The following CES4A variants were observed in gnomAD, a reference collection of about 807,000 sequenced individuals.
The protein encoded by CES4A is carboxylesterase 6.
Under a neutral mutation model 65.4 loss-of-function variants are expected in CES4A, and 48 were observed. That is an observed-to-expected ratio of 0.73 (90% confidence interval 0.58 to 0.93). The LOEUF (loss-of-function observed/expected upper bound fraction) is 0.93, where lower values mean the gene tolerates loss of function less well. CES4A is among the 40% of genes least tolerant of loss of function. CES4A has a pLI of 0.00. For synonymous variants in CES4A, 247 were observed against 281.8 expected (o/e 0.88, Z 1.24); for missense variants, 685 against 728.5 (o/e 0.94, Z 0.69).
intron 1 of CES4A, among the ~76,000 whole-genome samples, chr16:66,995,288 C>T (rs547161484): frequency 3.3e-5 from 5 of 150,710 alleles, no homozygotes; most frequent in East Asian, 1.9e-4. Context: ...CCAGCCTGGG[C>T]GACAGAGCAA....
In CES4A at chr16:67,008,889, G is replaced by A. The variant is rs144788505; in HGVS notation, c.1518-85G>A. 5.2e-4 allele frequency: 732 copies of A among 1,414,014 alleles called. 4 individuals are homozygous for A. In the African/African-American group the frequency reaches 9.6e-3, roughly 19 times the overall value. 87.6% of individuals were successfully genotyped at this position (1,414,014 alleles called of 1,614,324 possible). On this transcript the variant is annotated intron_variant, in intron 13 of 13. Coordinates refer to ENST00000648724, the Ensembl canonical transcript of CES4A. ...AGCCCTCTGGAACCCCAAGTCCCAA[G>A]GGCAAATTAAACGAGGGAAGGGTGA...
chr16:67,003,945 T>G lies in CES4A; in HGVS notation c.940-139T>G. The G allele has an allele frequency of 2.2e-6, 2 of 898,950 alleles. No individual in the cohort carries two copies. Among genetic ancestry groups the G allele is most frequent in the South Asian group, 3.1e-5 (2 of 63,840 alleles). 55.7% of individuals were successfully genotyped at this position (898,950 alleles called of 1,614,324 possible). ...TGCTCCCCTCCCACACCCATCCTCC[T>G]GGGGCTCACCATGCCAGCCCCAGCC... On this transcript the variant is annotated intron_variant, in intron 8 of 13. Transcript: ENST00000648724. This position sits in a 1 kb window ranked among gnomAD's most constrained non-coding sequence, Gnocchi z 4.2.
At chr16:67,005,040 G>A in intron 10 of CES4A, 167 bp downstream of exon 10, 1 of 735,558 alleles carries the variant, frequency 1.4e-6, no homozygotes, top group South Asian at 1.7e-5. Context: ...CAGGTAAGGT[G>A]CTCAGGGTCA....
chr16:67,003,151 A>T lies in CES4A; in HGVS notation c.772A>T (p.Ser258Cys). The change falls in exon 6 of 14, where the codon AGT becomes TGT. Residue 258 changes from serine (S) to cysteine (C), a missense_variant. Ser to Cys is a moderately radical substitution (Grantham distance 112). Coordinates refer to ENST00000648724, the Ensembl canonical transcript of CES4A. The surrounding 1 kb of genome is among the most constrained non-coding windows in gnomAD (Gnocchi z 4.2). ...CGCGTTATTCAGACTTTTCATCACTAGTAACCCACTGAAAGTGGCCAAGGT... is the reference window on the plus strand; with the variant it reads ...CGCGTTATTCAGACTTTTCATCACTTGTAACCCACTGAAAGTGGCCAAGGT... 2 of 1,613,894 alleles carry T rather than the reference A, an allele frequency of 1.2e-6. No homozygotes were observed. The highest frequency in any genetic ancestry group is 2.2e-5 in the South Asian group (2 of 91,076).
intron 13 of CES4A, chr16:67,007,564 CCT>C (rs1295201259): frequency 1.3e-5 from 2 of 152,080 alleles, no homozygotes; most frequent in Non-Finnish European, 2.9e-5. Flanking sequence ...CTGCGCCTGG[CCT>C]CTCTCCTTTC....
chr16:66,995,916 A>G (rs944409678), intron 2 of CES4A, 87 bp downstream of exon 2: 2 of 1,290,356 alleles, frequency 1.5e-6, no homozygotes, highest in African/African-American at 1.5e-5. Context: ...ACTGAGAAGA[A>G]CTCACTGTGT....
chr16:67,000,398 T>G lies in CES4A; in HGVS notation c.261-240T>G. 1 of 867,642 alleles carries G rather than the reference T, an allele frequency of 1.2e-6. No individual in the cohort carries two copies. Among genetic ancestry groups the G allele is most frequent in the Non-Finnish European group, 1.4e-6 (1 of 722,790 alleles). The allele number at this position is 867,642 out of a possible 1,614,324, so 53.7% of individuals were successfully genotyped here. A position where few individuals can be genotyped will look rare whatever the true frequency, so the allele number is the denominator to read the frequency against. Reference sequence around the variant, plus strand: ...TTGACAGCACCAACAGGAGCAGGAATCTCTCCACGGACTGAGGCGCCGGGC... The same window carrying G: ...TTGACAGCACCAACAGGAGCAGGAAGCTCTCCACGGACTGAGGCGCCGGGC... On this transcript the variant is annotated intron_variant, in intron 2 of 13. Transcript: ENST00000648724. The surrounding 1 kb of genome is among the most constrained non-coding windows in gnomAD (Gnocchi z 4.2).
chr16:67,006,017 CAT>C, intron 11 of CES4A: 1 of 220,316 alleles, frequency 4.5e-6, no homozygotes, highest in East Asian at 1.1e-4. Flanking sequence ...GCTAGGGGAA[CAT>C]GTGGGTAACA....
rs779260483 is a variant in CES4A at position 67,005,336 on chromosome 16, A to G, written c.1258A>G (p.Ile420Val). ...GATGCTACGAAACCGTATGATGGAC[A>G]TAGTTCAAGATGCCACTTTCGTGTA... Residue 420 changes from isoleucine to valine, a missense_variant, in exon 11 of 14, where the codon ATA becomes GTA. Ile to Val is a conservative substitution (Grantham distance 29). Transcript: ENST00000648724. 4.3e-6 allele frequency: 7 copies of G among 1,614,156 alleles called. No individual in the cohort carries two copies. The highest frequency in any genetic ancestry group is 5.9e-6 in the Non-Finnish European group (7 of 1,180,002).
chr16:66,990,771 G>T (rs1964325627), intron 1 of CES4A, among the ~76,000 whole-genome samples: 1 of 151,676 alleles, frequency 6.6e-6, no homozygotes, highest in African/African-American at 2.4e-5. Context: ...ATATTCTGGG[G>T]TTTTTCTTTT....
At chr16:67,009,866 G>A (rs1966043386), downstream of CES4A, 1 of 152,210 alleles carries the variant, frequency 6.6e-6, no homozygotes, top group Non-Finnish European at 1.5e-5. Flanking sequence ...GTCAAAGGGT[G>A]CTACTGCAAA....
At chr16:66,990,890 T>C (rs1333954799) in intron 1 of CES4A, among the ~76,000 whole-genome samples, 1 of 152,168 alleles carries the variant, frequency 6.6e-6, no homozygotes, top group Non-Finnish European at 1.5e-5. Flanking sequence ...TTCACTATGG[T>C]ATAGATAAAT....
At chr16:66,992,856 GT>G (rs200295559) in intron 1 of CES4A, among the ~76,000 whole-genome samples, 17 of 151,164 alleles carry the variant, frequency 1.1e-4, no homozygotes, top group Middle Eastern at 3.4e-3. Flanking sequence ...ATTATTATTG[GT>G]TTTTTTTTAG....
chr16:67,003,620 T>C lies in CES4A; in HGVS notation c.939+67T>C, dbSNP rs112016193. 41 of 1,318,574 alleles carry C rather than the reference T, an allele frequency of 3.1e-5. 2 individuals are homozygous for C. In the African/African-American group the frequency reaches 3.3e-4, roughly 11 times the overall value. The allele number at this position is 1,318,574 out of a possible 1,614,324, so 81.7% of individuals were successfully genotyped here. On this transcript the variant is annotated intron_variant, in intron 8 of 13. Transcript: ENST00000648724. This position sits in a 1 kb window ranked among gnomAD's most constrained non-coding sequence, Gnocchi z 4.2. ...CCTACTTTGTGCCAGGCACTTGGGA[T>C]ACTTAGGGAATTGTTCAGGCCAAGA...
chr16:66,994,570 G>T (rs1052470606), intron 1 of CES4A, among the ~76,000 whole-genome samples: 1 of 151,468 alleles, frequency 6.6e-6, no homozygotes, highest in Non-Finnish European at 1.5e-5. Context: ...GGTCGGGCAC[G>T]GTGGCTCATG....
At chr16:66,990,965 G>A (rs543344123) in intron 1 of CES4A, among the ~76,000 whole-genome samples, 1 of 152,162 alleles carries the variant, frequency 6.6e-6, no homozygotes, top group East Asian at 1.9e-4. Context: ...AGACCCAGAA[G>A]TGGAATTACT....
chr16:67,004,314 G>A, intron 9 of CES4A, 90 bp downstream of exon 9: 1 of 1,460,736 alleles, frequency 6.8e-7, no homozygotes, highest in Non-Finnish European at 9.4e-7. Context: ...ACGGTGCTGG[G>A]CACCAGGTCA....
chr16:66,999,786 G>A (rs1051075472), intron 2 of CES4A, among the ~76,000 whole-genome samples: 11 of 152,188 alleles, frequency 7.2e-5, no homozygotes, highest in Admixed American at 5.9e-4. Flanking sequence ...GGGCAACAGA[G>A]CAAGACTCTG....
Position 67,003,235 on chromosome 16 carries a change from C to T in CES4A, c.796-21C>T, listed in dbSNP as rs1301059917. 1 of 1,613,266 alleles carries T rather than the reference C, an allele frequency of 6.2e-7. No homozygotes were observed. The highest frequency in any genetic ancestry group is 1.7e-5 in the Admixed American group (1 of 60,026). On this transcript the variant is annotated intron_variant, in intron 6 of 13. Transcript: ENST00000648724. The surrounding 1 kb of genome is among the most constrained non-coding windows in gnomAD (Gnocchi z 4.2). ...AGGGCAGGATGGAAGCACCACTGAG[C>T]ATCCTTTCTTCTCTCTATAGAAGGT... is the stretch of plus-strand genomic sequence containing the variant.
Sources: allele counts gnomAD v4.1 joint callset (sites outside exome capture counted in the v4.1 genomes callset), GRCh38; gene constraint gnomAD v4.1.1; non-coding constraint Gnocchi (gnomAD v3.1); transcripts MANE v1.5; gene names NCBI Gene and HGNC (gene_info 2026-07-23, HGNC 2026-07-21).